Variants in BLTP1 observed in about 807,000 individuals in gnomAD.
BLTP1 encodes the protein bridge-like lipid transfer protein family member 1.
chr4:122,345,779 A>G, the BLTP1 span, among the ~76,000 whole-genome samples: 6 of 152,054 alleles, frequency 3.9e-5, no homozygotes, highest in Non-Finnish European at 7.4e-5. Context: ...AGACCATGCA[A>G]TAGTAGATGA....
the BLTP1 span, chr4:122,257,572 TG>T: frequency 7.5e-7 from 1 of 1,340,860 alleles, no homozygotes. Context: ...ACACAATTAC[TG>T]TATGTTTTTT....
At chr4:122,152,883 C>A in the BLTP1 span, 1 of 562,828 alleles carries the variant, frequency 1.8e-6, no homozygotes, top group Non-Finnish European at 2.3e-6. Context: ...GTGGACTCGG[C>A]AGGAAGGACC....
the BLTP1 span, chr4:122,194,639 A>G: frequency 3.1e-6 from 3 of 974,856 alleles, no homozygotes; most frequent in Non-Finnish European, 3.7e-6. Flanking sequence ...AATGAAAATA[A>G]TGCTTTAACA....
the BLTP1 span, among the ~76,000 whole-genome samples, chr4:122,218,107 C>T: frequency 6.6e-6 from 1 of 151,898 alleles, no homozygotes; most frequent in Non-Finnish European, 1.5e-5. Context: ...TCTCTCTTCT[C>T]TTCTTGGTTA....
the BLTP1 span, chr4:122,356,118 A>C: frequency 1.4e-6 from 1 of 691,264 alleles, no homozygotes; most frequent in Non-Finnish European, 2.3e-6. Context: ...AAATTGATTT[A>C]TTTTCTTATC....
chr4:122,362,639 T>G, the BLTP1 span: 1 of 167,380 alleles, frequency 6.0e-6, no homozygotes, highest in African/African-American at 2.4e-5. Context: ...TTTTTCTTTT[T>G]TAAATGTAGA....
the BLTP1 span, among the ~76,000 whole-genome samples, chr4:122,293,400 G>A: frequency 6.6e-6 from 1 of 152,136 alleles, no homozygotes; most frequent in Non-Finnish European, 1.5e-5. Flanking sequence ...TGAGGTGATG[G>A]CCCACCCAGG....
chr4:122,218,479 C>T, the BLTP1 span, among the ~76,000 whole-genome samples: 4 of 152,154 alleles, frequency 2.6e-5, no homozygotes, highest in Admixed American at 6.5e-5. Flanking sequence ...ACTTTAAGCC[C>T]TTCAACATTA....
chr4:122,339,566 G>A, the BLTP1 span, among the ~76,000 whole-genome samples: 1 of 152,090 alleles, frequency 6.6e-6, no homozygotes, highest in African/African-American at 2.4e-5. Flanking sequence ...CCAATGTTTT[G>A]AGTATATTTC....
At chr4:122,359,465 C>T in the BLTP1 span, 1 of 1,501,192 alleles carries the variant, frequency 6.7e-7, no homozygotes, top group Non-Finnish European at 8.9e-7. Context: ...TTGGCCAGGT[C>T]ATAGATAAAA....
the BLTP1 span, chr4:122,262,628 A>C: frequency 4.0e-6 from 4 of 993,090 alleles, no homozygotes; most frequent in Non-Finnish European, 4.3e-6. Flanking sequence ...CCACAATCCT[A>C]GTATACATGA....
the BLTP1 span, among the ~76,000 whole-genome samples, chr4:122,354,727 C>T: frequency 6.7e-6 from 1 of 149,838 alleles, no homozygotes; most frequent in Admixed American, 6.7e-5. Flanking sequence ...AGTACAGTGG[C>T]ATGATCTTGG....
chr4:122,315,300 G>A, the BLTP1 span: 1 of 455,686 alleles, frequency 2.2e-6, no homozygotes, highest in Non-Finnish European at 2.9e-6. Context: ...AACAGTAGAT[G>A]CACACTGTAC....
At chr4:122,255,956 C>T in the BLTP1 span, 1 of 625,608 alleles carries the variant, frequency 1.6e-6, no homozygotes, top group Middle Eastern at 8.1e-4. Flanking sequence ...AGAATAATCA[C>T]CAGAGCCAAA....
chr4:122,314,663 G>A, the BLTP1 span, among the ~76,000 whole-genome samples: 1 of 152,102 alleles, frequency 6.6e-6, no homozygotes, highest in Non-Finnish European at 1.5e-5. Flanking sequence ...CCTAGCCTTA[G>A]TGCTCATCCT....
the BLTP1 span, chr4:122,225,613 G>T: frequency 1.3e-5 from 2 of 152,096 alleles, no homozygotes. Context: ...TAATATTCTA[G>T]AAATGGTGAG....
chr4:122,243,772 CA>C, the BLTP1 span: 6 of 1,372,878 alleles, frequency 4.4e-6, no homozygotes, highest in Non-Finnish European at 5.7e-6. Flanking sequence ...GTAATGAATG[CA>C]TGTGTTCACT....
At chr4:122,252,677 T>C in the BLTP1 span, among the ~76,000 whole-genome samples, 1 of 152,170 alleles carries the variant, frequency 6.6e-6, no homozygotes, top group East Asian at 1.9e-4. Flanking sequence ...TTGTCTCCAG[T>C]TGTTGGCTCC....
At chr4:122,280,851 A>G in the BLTP1 span, among the ~76,000 whole-genome samples, 1 of 152,170 alleles carries the variant, frequency 6.6e-6, no homozygotes, top group African/African-American at 2.4e-5. Flanking sequence ...GCTAAGTAGT[A>G]AAAATTTAAA....
Sources: allele counts gnomAD v4.1 joint callset (sites outside exome capture counted in the v4.1 genomes callset), GRCh38; gene constraint gnomAD v4.1.1; transcripts MANE v1.5; gene names NCBI Gene and HGNC (gene_info 2026-07-23, HGNC 2026-07-21).